The following STRIP1 variants were observed in gnomAD, a reference collection of about 807,000 sequenced individuals.
The protein encoded by STRIP1 is striatin-interacting protein 1.
In STRIP1, 63 loss-of-function variants were observed where a neutral mutation model predicts 106.2. The observed-to-expected ratio is 0.59, with a 90% CI of 0.48 to 0.73. The LOEUF is 0.73. STRIP1 is among the 30% of genes least tolerant of loss of function. STRIP1 has a pLI of 0.00. For missense variants in STRIP1, 857 were observed against 1,074.8 expected, an observed-to-expected ratio of 0.80 and a Z score of 2.83; for synonymous variants, 390 against 413.0, an observed-to-expected ratio of 0.94 and a Z score of 0.67.
chr1:110,054,029 C>A lies in STRIP1; in HGVS notation c.*117C>A. 7.7e-7 allele frequency: 1 copy of A among 1,306,700 alleles called. No individual in the cohort carries two copies. Among genetic ancestry groups the A allele is most frequent in the Non-Finnish European group, 1.1e-6 (1 of 936,798 alleles). The allele number at this position is 1,306,700 out of a possible 1,614,324, so 80.9% of individuals were successfully genotyped here. The stretch of plus-strand genomic sequence containing the variant: ...CCCACCAGGTGGCAGCACAGCCCCA[C>A]TGTGTCTTCCGCAGTCTGTCCTGGG... On this transcript the variant is annotated 3_prime_UTR_variant, in exon 21 of 21. Transcript: ENST00000369795.
rs1006935579 is a variant in STRIP1, at chr1:110,050,343, C to T, written c.1890C>T (p.Ser630=). Residue 630 remains serine (S), a splice_region_variant and synonymous_variant, in exon 18 of 21, where the codon AGC becomes AGT. Coordinates refer to ENST00000369795, the MANE Select transcript of STRIP1 (RefSeq NM_033088.4). ...CATCTGGTTCCTCTCCCCTCTGCAG[C>T]ATTTCTGTCCTGGATTACCCTCACT... ...NIMSYITAKN[S]ISVLDYPHCV... 20 of 1,614,132 alleles carry T rather than the reference C, an allele frequency of 1.2e-5. No individual in the cohort carries two copies. Among genetic ancestry groups the T allele is most frequent in the Non-Finnish European group, 1.7e-5 (20 of 1,179,980 alleles).
At position 110,039,251 on chromosome 1, in the gene STRIP1, C is replaced by G; in HGVS notation, c.405C>G (p.Val135=). ...TGAGGCTCCTGGATGGCTTGGAAGT[C>G]ACTGCCAGGGAGAAGAGACTCAAGG... ...HAMRLLDGLE[V]TAREKRLKVA... The change falls in exon 4 of 21, where the codon GTC becomes GTG. Residue 135 remains valine, a synonymous_variant. Coordinates refer to ENST00000369795, the MANE Select transcript of STRIP1 (RefSeq NM_033088.4). The G allele has an allele frequency of 6.2e-7, 1 of 1,614,200 alleles. No homozygotes were observed. The highest frequency in any genetic ancestry group is 8.5e-7 in the Non-Finnish European group (1 of 1,180,040).
intron 14 of STRIP1, 52 bp from the exon 15 acceptor site, chr1:110,047,720 A>G (rs1653095571): frequency 6.5e-7 from 1 of 1,544,736 alleles, no homozygotes; most frequent in Middle Eastern, 1.7e-4. Context: ...CTCAGAGCTT[A>G]ATTTTGACCC....
In STRIP1 at chr1:110,039,398, C is replaced by G; in HGVS notation, c.464C>G (p.Thr155Arg). 6.2e-7 allele frequency: 1 copy of G among 1,614,104 alleles called. No homozygotes were observed. The highest frequency in any genetic ancestry group is 1.3e-5 in the African/African-American group (1 of 75,028). ...TGAGTTGAACCCTGCATTGCAGGCACGTTTGGGGAGTGCAGCTCGGAGGCA... is the reference window on the plus strand; with the variant it reads ...TGAGTTGAACCCTGCATTGCAGGCAGGTTTGGGGAGTGCAGCTCGGAGGCA... The part of the protein sequence containing the change: ...ARAILYVAQG[T>R]FGECSSEAEV... Residue 155 changes from threonine to arginine, a missense_variant, in exon 5 of 21, where the codon ACG (threonine) becomes AGG (arginine). Coordinates refer to ENST00000369795, the MANE Select transcript of STRIP1 (RefSeq NM_033088.4).
chr1:110,034,509 C>A (rs1652334069), upstream of STRIP1: 2 of 1,176,804 alleles, frequency 1.7e-6, no homozygotes, highest in Admixed American at 3.9e-5. Context: ...TATTGGTCAG[C>A]CAAGATGGCT....
intron 17 of STRIP1, 123 bp downstream of exon 17, chr1:110,049,683 C>A: frequency 1.5e-6 from 1 of 671,782 alleles, no homozygotes; most frequent in Non-Finnish European, 2.6e-6. Flanking sequence ...GGCATCAAGA[C>A]ATAAAGATAA....
chr1:110,035,767 A>G (rs868407803), intron 1 of STRIP1, among the ~76,000 whole-genome samples: 1 of 152,202 alleles, frequency 6.6e-6, no homozygotes, highest in African/African-American at 2.4e-5. Context: ...AGCATAATGT[A>G]CCAATTCATA....
At chr1:110,044,989 A>C in intron 11 of STRIP1, 26 bp from the exon 12 acceptor site, 1 of 1,613,998 alleles carries the variant, frequency 6.2e-7, no homozygotes, top group South Asian at 1.1e-5. Context: ...GTCGAGGCTC[A>C]ACACAGGGCC....
rs1196845009 is a variant in STRIP1 at position 110,054,578 on chromosome 1, G to A, written c.*666G>A. On this transcript the variant is annotated 3_prime_UTR_variant, in exon 21 of 21. Coordinates refer to ENST00000369795, the MANE Select transcript of STRIP1 (RefSeq NM_033088.4). ...CTATATATAATTCTGTGTGTATTCTGTGTCATGTTGGGGTTTTTAATGTGA... is the reference window on the plus strand; with the variant it reads ...CTATATATAATTCTGTGTGTATTCTATGTCATGTTGGGGTTTTTAATGTGA... The A allele has an allele frequency of 5.9e-5, 9 of 152,764 alleles. No individual in the cohort carries two copies. The South Asian group carries it at 1.7e-3, about 28-fold the overall frequency. 9.5% of individuals were successfully genotyped at this position (152,764 alleles called of 1,614,324 possible).
chr1:110,036,166 A>G (rs1652442869), intron 1 of STRIP1, among the ~76,000 whole-genome samples: 1 of 152,230 alleles, frequency 6.6e-6, no homozygotes, highest in Non-Finnish European at 1.5e-5. Context: ...TAATTTCCAC[A>G]TAGAGGCCGG....
rs1305602611 is a variant in STRIP1 at position 110,036,240 on chromosome 1, G to A, written c.180+1423G>A. Among the ~76,000 whole-genome samples the A allele has an allele frequency of 2.0e-5, 3 of 152,276 alleles. No individual in the cohort carries two copies. In the East Asian group the frequency reaches 5.8e-4, roughly 29 times the overall value. ...GGCCGAGGCGGGCGGATCACCTGAG[G>A]TCAGGAGTTCCTGTCCAGCCTGGCC... is the stretch of plus-strand genomic sequence containing the variant. On this transcript the variant is annotated intron_variant, in intron 1 of 20. Coordinates refer to ENST00000369795, the MANE Select transcript of STRIP1 (RefSeq NM_033088.4).
chr1:110,051,505 A>G (rs1653301733), intron 19 of STRIP1, among the ~76,000 whole-genome samples, 178 bp from the exon 20 acceptor site: 1 of 152,108 alleles, frequency 6.6e-6, no homozygotes, highest in Non-Finnish European at 1.5e-5. Context: ...TTTGTCTGGA[A>G]CTCTACTGGT....
intron 1 of STRIP1, among the ~76,000 whole-genome samples, chr1:110,037,567 A>G (rs1396617465): frequency 2.0e-5 from 3 of 152,250 alleles, no homozygotes; most frequent in African/African-American, 7.2e-5. Context: ...TGTATAGACC[A>G]TTCATTCATT....
At chr1:110,051,635 A>G (rs537002033) in intron 19 of STRIP1, 48 bp from the exon 20 acceptor site, 7 of 1,538,112 alleles carry the variant, frequency 4.6e-6, no homozygotes, top group Admixed American at 3.9e-5. Flanking sequence ...GGATGTATGC[A>G]TTTATTTTTG....
At chr1:110,045,783 C>T (rs1652992132) in intron 12 of STRIP1, among the ~76,000 whole-genome samples, 1 of 152,122 alleles carries the variant, frequency 6.6e-6, no homozygotes, top group African/African-American at 2.4e-5. Context: ...AGCAGACTCT[C>T]AGCAGGCAGA....
At chr1:110,048,840 G>A (rs1376571179) in intron 15 of STRIP1, among the ~76,000 whole-genome samples, 2 of 152,196 alleles carry the variant, frequency 1.3e-5, no homozygotes, top group African/African-American at 4.8e-5. Flanking sequence ...GGGAGATCTT[G>A]GAAAGGAGAA....
In STRIP1 at chr1:110,034,725, C is replaced by G. The variant is rs1481176894; in HGVS notation, c.88C>G (p.Gln30Glu). The change falls in exon 1 of 21, where the codon CAG becomes GAG. Residue 30 changes from glutamine (Q) to glutamate (E), a missense_variant. Around this residue, in one of 2 missense-constraint regions of STRIP1, gnomAD observed 107 missense variants for 85.1 expected, o/e 1.26. Transcript: ENST00000369795. ...GCCACCTCCGCCGCCGGCAGCCGCA[C>G]AGCCACCACCCGGGGCACCGCGGGC... ...PPPPPPPAAA[Q>E]PPPGAPRAAA... 7 of 1,502,478 alleles carry G rather than the reference C, an allele frequency of 4.7e-6. No homozygotes were observed. The highest frequency in any genetic ancestry group is 6.2e-6 in the Non-Finnish European group (7 of 1,128,754). The allele number at this position is 1,502,478 out of a possible 1,614,324, so 93.1% of individuals were successfully genotyped here. A position where few individuals can be genotyped will look rare whatever the true frequency, so the allele number is the denominator to read the frequency against.
intron 5 of STRIP1, 23 bp downstream of exon 5, chr1:110,039,538 G>A (rs781369810): frequency 1.3e-6 from 2 of 1,584,920 alleles, no homozygotes; most frequent in Non-Finnish European, 1.7e-6. Context: ...GAGAGGCTGA[G>A]TAGGGAAGGG....
chr1:110,052,723 G>T (rs979899824), intron 20 of STRIP1, among the ~76,000 whole-genome samples: 1 of 152,114 alleles, frequency 6.6e-6, no homozygotes. Flanking sequence ...ACCCACCTCG[G>T]CCTCCCAAAG....
Sources: gnomAD v4.1 joint callset for allele counts (sites outside exome capture counted in the v4.1 genomes callset) on GRCh38, gnomAD v4.1.1 for gene constraint, gnomAD v4.1.1 regional missense constraint, MANE v1.5 for transcripts, NCBI Gene and HGNC (gene_info 2026-07-23, HGNC 2026-07-21) for gene names.